SFI1: variants seen among roughly 807,000 people sequenced by gnomAD.
SFI1 encodes the protein SFI1 centrin binding protein, also known as protein SFI1 homolog.
In SFI1, 195 loss-of-function variants were observed where a neutral mutation model predicts 207.5. The observed-to-expected ratio is 0.94, with a 90% CI of 0.84 to 1.06. The LOEUF is 1.06. SFI1 is among the 50% of genes least tolerant of loss of function. SFI1 has a pLI of 0.00. For synonymous variants in SFI1, 630 were observed against 598.9 expected, an observed-to-expected ratio of 1.05 and a Z score of -0.76; for missense variants, 1,634 against 1,588.0, an observed-to-expected ratio of 1.03 and a Z score of -0.49.
At chr22:31,512,557 C>T (rs1270568414) in intron 2 of SFI1, among the ~76,000 whole-genome samples, 2 of 151,768 alleles carry the variant, frequency 1.3e-5, no homozygotes, top group East Asian at 3.9e-4. Flanking sequence ...CGCCCTGTCG[C>T]CCAGGCTGGA....
intron 8 of SFI1, among the ~76,000 whole-genome samples, chr22:31,568,193 GTTGTGTGTGTGTGTGTGTA>G (rs2062555374): frequency 2.7e-5 from 2 of 73,004 alleles, no homozygotes; most frequent in South Asian, 7.1e-4. Flanking sequence ...GTGTGTGTGT[GTTGTGTGTGTGTGTGTGTA>G]TATATATATA....
At chr22:31,590,196 C>G (rs2065662521) in intron 15 of SFI1, among the ~76,000 whole-genome samples, 1 of 150,664 alleles carries the variant, frequency 6.6e-6, no homozygotes, top group Admixed American at 6.6e-5. Context: ...CTACTGAGCC[C>G]ACAGATTCAA....
chr22:31,608,148 G>T, intron 22 of SFI1, 115 bp downstream of exon 22: 1 of 763,336 alleles, frequency 1.3e-6, no homozygotes, highest in Non-Finnish European at 2.1e-6. Flanking sequence ...GTTCCCTGTG[G>T]TTGCCATGAC....
intron 12 of SFI1, among the ~76,000 whole-genome samples, chr22:31,582,114 T>A (rs558294086): frequency 1.3e-5 from 2 of 148,180 alleles, no homozygotes; most frequent in Non-Finnish European, 3.0e-5. Context: ...CTTTTCTGAT[T>A]GATTTTTAGC....
chr22:31,608,138 G>A lies in SFI1; in HGVS notation c.2254+105G>A, dbSNP rs1423519316. On this transcript the variant is annotated intron_variant, in intron 22 of 32. Transcript: ENST00000400288. Reference sequence around the variant, plus strand: ...GTCTGTCTCCTCCTCATACATGCCAGTTCCCTGTGGTTGCCATGACAAAGT... The same window carrying A: ...GTCTGTCTCCTCCTCATACATGCCAATTCCCTGTGGTTGCCATGACAAAGT... 3.7e-6 allele frequency: 3 copies of A among 800,886 alleles called. No homozygotes were observed. The Admixed American group carries it at 6.9e-5, about 18-fold the overall frequency. The allele number at this position is 800,886 out of a possible 1,614,324, so 49.6% of individuals were successfully genotyped here.
chr22:31,583,436 T>C (rs1239754018), intron 12 of SFI1, among the ~76,000 whole-genome samples: 1 of 152,206 alleles, frequency 6.6e-6, no homozygotes, highest in African/African-American at 2.4e-5. Flanking sequence ...GTTATTGATT[T>C]ATCTGATTGT....
intron 4 of SFI1, among the ~76,000 whole-genome samples, chr22:31,538,995 T>C (rs1237925073): frequency 1.3e-5 from 2 of 152,000 alleles, no homozygotes; most frequent in African/African-American, 4.8e-5. Context: ...ATCGTCATCC[T>C]CCCCCTCTCA....
rs373220203 is a variant in SFI1 at position 31,557,039 on chromosome 22, T to C, written c.642T>C (p.Phe214=). 1.1e-5 allele frequency: 17 copies of C among 1,607,004 alleles called. No individual in the cohort carries two copies. The highest frequency in any genetic ancestry group is 1.7e-4 in the Middle Eastern group (1 of 6,044). The change falls in exon 7 of 33, where the codon TTT becomes TTC. Residue 214 remains phenylalanine, a synonymous_variant. Transcript: ENST00000400288. ...AGATGCAGACTACAGCTCTGGAGTT[T>C]AGGCAACGGATTATCTTACGGTGAG... ...KLQMQTTALE[F]RQRIILRVWW... is the part of the protein sequence containing the mutation.
chr22:31,582,927 T>C (rs1202917285), intron 12 of SFI1, among the ~76,000 whole-genome samples: 1 of 152,170 alleles, frequency 6.6e-6, no homozygotes, highest in Admixed American at 6.5e-5. Context: ...TTTATTATTA[T>C]AATAATTATT....
At chr22:31,585,762 A>G (rs1026055055) in intron 14 of SFI1, among the ~76,000 whole-genome samples, 1 of 152,148 alleles carries the variant, frequency 6.6e-6, no homozygotes, top group Non-Finnish European at 1.5e-5. Context: ...AATTGGGAGT[A>G]CCTGTCTGGA....
At chr22:31,538,638 C>T (rs937724239) in intron 4 of SFI1, 1 of 152,256 alleles carries the variant, frequency 6.6e-6, no homozygotes, top group Non-Finnish European at 1.5e-5. Context: ...TGATGAATTC[C>T]TAAACTTTCT....
chr22:31,547,401 C>G (rs915511080), intron 5 of SFI1, among the ~76,000 whole-genome samples: 1 of 152,180 alleles, frequency 6.6e-6, no homozygotes, highest in African/African-American at 2.4e-5. Flanking sequence ...ACTTCCGTCT[C>G]CTAGGTTCAA....
In SFI1 at chr22:31,546,853, T is replaced by G. The variant is rs2060139916; in HGVS notation, c.339-8T>G. 1 of 1,550,598 alleles carries G rather than the reference T, an allele frequency of 6.4e-7. No individual in the cohort carries two copies. The highest frequency in any genetic ancestry group is 8.8e-7 in the Non-Finnish European group (1 of 1,132,666). ...TCATATATATATATGATTTTTTTTT[T>G]GCCGTAGATTTTACTATGAGCAGCG... On this transcript the variant is annotated splice_polypyrimidine_tract_variant and splice_region_variant and intron_variant, in intron 4 of 32. Coordinates refer to ENST00000400288, the MANE Select transcript of SFI1 (RefSeq NM_001007467.3).
chr22:31,553,367 G>GT (rs920596695), intron 6 of SFI1, among the ~76,000 whole-genome samples: 10 of 150,450 alleles, frequency 6.6e-5, no homozygotes, highest in African/African-American at 2.2e-4. Context: ...GGTTGGTTTG[G>GT]TTTTTTTTGA....
intron 4 of SFI1, among the ~76,000 whole-genome samples, chr22:31,532,623 C>T (rs571175699): frequency 7.2e-5 from 11 of 152,034 alleles, no homozygotes; most frequent in Non-Finnish European, 1.5e-4. Flanking sequence ...CCAACTTGGC[C>T]TGTGTGTGTT....
intron 15 of SFI1, among the ~76,000 whole-genome samples, chr22:31,599,753 G>T (rs2146917847): frequency 6.6e-6 from 1 of 152,268 alleles, no homozygotes; most frequent in East Asian, 1.9e-4. Flanking sequence ...TGGGATTACA[G>T]GCGTGAGCCA....
chr22:31,515,149 A>G (rs150220050), intron 2 of SFI1, among the ~76,000 whole-genome samples: 147 of 152,178 alleles, frequency 9.7e-4, no homozygotes, highest in African/African-American at 3.2e-3. Flanking sequence ...CCACTGTTCT[A>G]TGGTATCCAC....
At chr22:31,575,418 C>T (rs1411928298) in intron 10 of SFI1, 26 bp downstream of exon 10, 1 of 1,558,980 alleles carries the variant, frequency 6.4e-7, no homozygotes, top group Non-Finnish European at 8.7e-7. Flanking sequence ...CTCAGGCTGT[C>T]CATTGCCTCA....
chr22:31,602,870 G>T, intron 17 of SFI1, 85 bp downstream of exon 17: 1 of 1,441,146 alleles, frequency 6.9e-7, no homozygotes, highest in Admixed American at 2.1e-5. Flanking sequence ...CCAAGTGCCT[G>T]TCTGGAGGAC....
Sources: allele counts gnomAD v4.1 joint callset (sites outside exome capture counted in the v4.1 genomes callset), GRCh38; gene constraint gnomAD v4.1.1; transcripts MANE v1.5; gene names NCBI Gene and HGNC (gene_info 2026-07-23, HGNC 2026-07-21).